The following PAX8 variants were observed in gnomAD, a reference collection of about 807,000 sequenced individuals.
PAX8 encodes the protein paired box protein Pax-8.
PAX8 carries 15 observed loss-of-function variants against 52.4 expected under a neutral mutation model. The observed-to-expected ratio is 0.29, with a 90% CI of 0.19 to 0.44. PAX8 has a LOEUF of 0.44. Among genes scored for constraint, PAX8 ranks in the 20% least tolerant of loss-of-function variants. The probability of loss-of-function intolerance (pLI) is 1.00; values close to 1 mark genes in which losing one functional copy is unlikely to be tolerated. For synonymous variants in PAX8, 284 were observed against 249.7 expected, an observed-to-expected ratio of 1.14 and a Z score of -1.29; for missense variants, 554 against 602.5, an observed-to-expected ratio of 0.92 and a Z score of 0.84.
intron 2 of PAX8, 70 bp from the exon 3 acceptor site, chr2:113,246,989 G>A (rs1203596762): frequency 3.6e-6 from 5 of 1,389,010 alleles, no homozygotes; most frequent in Non-Finnish European, 5.0e-6. Context: ...TTAGCTATGA[G>A]TACAGGTGCT....
intron 10 of PAX8, chr2:113,226,258 G>C (rs1344367084): frequency 1.0e-6 from 1 of 985,334 alleles, no homozygotes; most frequent in African/African-American, 1.7e-5. Flanking sequence ...CAGCCAGAGA[G>C]GCTGGCCTAG....
intron 8 of PAX8, 115 bp from the exon 9 acceptor site, chr2:113,235,697 G>T (rs868710552): frequency 2.5e-6 from 2 of 788,244 alleles, no homozygotes; most frequent in Admixed American, 5.3e-5. Flanking sequence ...GGCAGGCTCA[G>T]CTGCCCTCAG....
At position 113,278,358 on chromosome 2, in the gene PAX8, C is replaced by T; in HGVS notation, c.25+12G>A. The T allele has an allele frequency of 1.9e-6, 3 of 1,593,444 alleles. No homozygotes were observed. The highest frequency in any genetic ancestry group is 2.6e-6 in the Non-Finnish European group (3 of 1,163,732). On this transcript the variant is annotated intron_variant, in intron 2 of 11. Coordinates refer to ENST00000429538, the MANE Select transcript of PAX8 (RefSeq NM_003466.4). Reference sequence around the variant, plus strand: ...CGGGGGCTCGGGGATCCTGACCACACCGCGTTCTTACCAGATCTGATGGAG... The same window carrying T: ...CGGGGGCTCGGGGATCCTGACCACATCGCGTTCTTACCAGATCTGATGGAG...
chr2:113,246,320 G>T (rs892415634), intron 3 of PAX8, among the ~76,000 whole-genome samples: 7 of 152,214 alleles, frequency 4.6e-5, no homozygotes, highest in African/African-American at 1.7e-4. Context: ...GGGGAATTAT[G>T]GTTTGAGAAG....
chr2:113,261,616 A>G (rs1692685100), intron 2 of PAX8, among the ~76,000 whole-genome samples: 1 of 152,204 alleles, frequency 6.6e-6, no homozygotes, highest in South Asian at 2.1e-4. Context: ...ATCCTTGACC[A>G]GGAAGGAGAG....
At chr2:113,227,379 C>T (rs545690471) in intron 9 of PAX8, 123 bp from the exon 10 acceptor site, 1 of 784,018 alleles carries the variant, frequency 1.3e-6, no homozygotes, top group African/African-American at 1.7e-5. Flanking sequence ...TTCTCCAAAC[C>T]CACTTCCTCC....
intron 2 of PAX8, among the ~76,000 whole-genome samples, chr2:113,258,766 C>T (rs547252118): frequency 4.6e-5 from 7 of 152,128 alleles, no homozygotes; most frequent in South Asian, 4.1e-4. Flanking sequence ...GGTCTACCCC[C>T]CTCTCTCTTC....
chr2:113,240,855 G>A (rs1043729144), intron 7 of PAX8: 26 of 159,128 alleles, frequency 1.6e-4, no homozygotes, highest in Admixed American at 5.8e-4. Context: ...TAAGGAGTCC[G>A]CGTGTCTTTG....
In PAX8 at chr2:113,241,704, T is replaced by C. The variant is rs759375338; in HGVS notation, c.624A>G (p.Leu208=). 6.2e-7 allele frequency: 1 copy of C among 1,614,108 alleles called. No individual in the cohort carries two copies. Among genetic ancestry groups the C allele is most frequent in the Non-Finnish European group, 8.5e-7 (1 of 1,180,020 alleles). Residue 208 remains leucine (L), a synonymous_variant, in exon 7 of 12, where the codon CTA becomes CTG. Transcript: ENST00000429538. ...TGCTGCTGCTCTGTGAGTCAATGCT[T>C]AGTCGGCAGCTATCCTGATCACCTG... ...MDDSDQDSCR[L]SIDSQSSSSG...
chr2:113,238,419 T>C (rs1690546370), intron 7 of PAX8: 1 of 152,588 alleles, frequency 6.6e-6, no homozygotes, highest in Non-Finnish European at 1.5e-5. Context: ...CTAGAGCGTA[T>C]AAGAGAAGTT....
Position 113,261,984 on chromosome 2 carries a change from C to G in PAX8, c.26-15065G>C, listed in dbSNP as rs1056187065. ...AGCTGGGATTATAGCCGCCCACCAC[C>G]ATGCCCAGCTAATTTTTGTATTTTT... is the stretch of plus-strand genomic sequence containing the variant. On this transcript the variant is annotated intron_variant, in intron 2 of 11. Coordinates refer to ENST00000429538, the MANE Select transcript of PAX8 (RefSeq NM_003466.4). Among the ~76,000 whole-genome samples the G allele has an allele frequency of 3.9e-5, 6 of 152,208 alleles. No homozygotes were observed. In the East Asian group the frequency reaches 9.7e-4, roughly 25 times the overall value.
chr2:113,230,032 C>T (rs1001116759), intron 9 of PAX8, among the ~76,000 whole-genome samples: 5 of 152,230 alleles, frequency 3.3e-5, no homozygotes, highest in African/African-American at 1.2e-4. Flanking sequence ...CTGCCTGTCA[C>T]ATAAGGAACT....
intron 10 of PAX8, among the ~76,000 whole-genome samples, chr2:113,221,409 G>A (rs1689266550): frequency 6.6e-6 from 1 of 152,170 alleles, no homozygotes; most frequent in Non-Finnish European, 1.5e-5. Flanking sequence ...CTCTGGAGCT[G>A]ACCTGTCTAG....
At chr2:113,257,850 ATTAATTC>A (rs1338630408) in intron 2 of PAX8, among the ~76,000 whole-genome samples, 3 of 152,184 alleles carry the variant, frequency 2.0e-5, no homozygotes. Flanking sequence ...CATCTTTTCA[ATTAATTC>A]TTATAATAAC....
intron 2 of PAX8, chr2:113,263,396 T>G (rs1383353694): frequency 6.5e-6 from 1 of 152,890 alleles, no homozygotes; most frequent in African/African-American, 2.4e-5. Flanking sequence ...CTGGATCCAG[T>G]CTAAATGTTG....
At chr2:113,224,230 C>G (rs1689413572) in intron 10 of PAX8, among the ~76,000 whole-genome samples, 1 of 151,692 alleles carries the variant, frequency 6.6e-6, no homozygotes, top group African/African-American at 2.4e-5. Context: ...TGATAGATAA[C>G]TGAAAAGACA....
chr2:113,236,768 G>A (rs775889104), intron 7 of PAX8, 47 bp from the exon 8 acceptor site: 9 of 1,539,388 alleles, frequency 5.8e-6, no homozygotes, highest in South Asian at 1.2e-5. Context: ...CCAACAAGCC[G>A]ACCTTCCTGC....
At chr2:113,225,326 A>G (rs1038424695) in intron 10 of PAX8, among the ~76,000 whole-genome samples, 3 of 152,300 alleles carry the variant, frequency 2.0e-5, no homozygotes, top group African/African-American at 7.2e-5. Flanking sequence ...AAGTTTATTC[A>G]CTTTAATTGC....
intron 2 of PAX8, among the ~76,000 whole-genome samples, chr2:113,253,290 T>C (rs776537498): frequency 1.1e-4 from 16 of 152,182 alleles, no homozygotes; most frequent in Non-Finnish European, 2.2e-4. Flanking sequence ...ACCCTTATTG[T>C]CATACCTACT....
Sources: gnomAD v4.1 joint callset for allele counts (sites outside exome capture counted in the v4.1 genomes callset) on GRCh38, gnomAD v4.1.1 for gene constraint, MANE v1.5 for transcripts, NCBI Gene and HGNC (gene_info 2026-07-23, HGNC 2026-07-21) for gene names.